The following ABCA8 variants were observed in gnomAD, a reference collection of about 807,000 sequenced individuals.
ABCA8 encodes ABC-type organic anion transporter ABCA8.
ABCA8 carries 177 observed loss-of-function variants against 192.3 expected under a neutral mutation model. That is an observed-to-expected ratio of 0.92 (90% confidence interval 0.81 to 1.04). The LOEUF (loss-of-function observed/expected upper bound fraction) is 1.04, where lower values mean the gene tolerates loss of function less well. Ranked by LOEUF, ABCA8 falls within the 50% of genes least tolerant of loss-of-function variation. The pLI, the probability that ABCA8 is intolerant of heterozygous loss-of-function variation, is 0.00. For synonymous variants in ABCA8, 642 were observed against 690.2 expected (o/e 0.93, Z 1.09); for missense variants, 1,915 against 1,904.8 (o/e 1.01, Z -0.10).
chr17:68,881,910 C>G lies in ABCA8; in HGVS notation c.3899G>C (p.Arg1300Thr). 1 of 1,614,126 alleles carries G rather than the reference C, an allele frequency of 6.2e-7. No homozygotes were observed. Among genetic ancestry groups the G allele is most frequent in the Non-Finnish European group, 8.5e-7 (1 of 1,179,982 alleles). ...ATTTCTCGTGGCTATCTTATTCTTC[C>G]TCTTGGAAAAACAGCCTTTCCTCTT... is the stretch of plus-strand genomic sequence containing the variant. ...AGKRKGCFSK[R>T]KNKIATRNVS... The change falls in exon 31 of 40, where the codon AGG (arginine) becomes ACG (threonine). Residue 1300 changes from arginine (R) to threonine (T), a missense_variant. Transcript: ENST00000586539.
Position 68,947,538 on chromosome 17 carries a change from C to T in ABCA8, c.-6+1774G>A, listed in dbSNP as rs1359045857. On this transcript the variant is annotated intron_variant, in intron 2 of 39. Transcript: ENST00000586539. Reference sequence around the variant, plus strand: ...ACATGGAAGATCTGATCTTAGAAGGCTAGTAAACTTGCTGATAAAACCTTA... The same window carrying T: ...ACATGGAAGATCTGATCTTAGAAGGTTAGTAAACTTGCTGATAAAACCTTA... Among the ~76,000 whole-genome samples, 10 of 152,192 alleles carry T rather than the reference C, an allele frequency of 6.6e-5. No homozygotes were observed. In the South Asian group the frequency reaches 2.1e-3, roughly 32 times the overall value.
chr17:68,918,589 C>T (rs2067448480), intron 14 of ABCA8, 43 bp from the exon 15 acceptor site: 1 of 1,440,180 alleles, frequency 6.9e-7, no homozygotes, highest in East Asian at 2.5e-5. Flanking sequence ...AAAATTTATT[C>T]CTTTTTTAAA....
Position 68,881,867 on chromosome 17 carries a change from T to C in ABCA8, c.3942A>G (p.Arg1314=), listed in dbSNP as rs1324398411. The C allele has an allele frequency of 5.6e-6, 9 of 1,613,436 alleles. No individual in the cohort carries two copies. In the South Asian group the frequency reaches 9.9e-5, roughly 18 times the overall value. The change falls in exon 31 of 40, where the codon AGA becomes AGG. Residue 1314 remains arginine (R), a synonymous_variant. Coordinates refer to ENST00000586539, the MANE Select transcript of ABCA8 (RefSeq NM_001288985.2). ...IATRNVSFCV[R]KGEVLGLLGH... ...TGGAAGATCCCTATGGCCAACCTTT[T>C]CTAACACAGAAGGAGACATTTCTCG...
intron 2 of ABCA8, among the ~76,000 whole-genome samples, chr17:68,947,999 G>A (rs1189437008): frequency 6.6e-6 from 1 of 152,088 alleles, no homozygotes; most frequent in African/African-American, 2.4e-5. Context: ...TGTGGTGTTT[G>A]GTTTTCTTTT....
chr17:68,870,393 T>G (rs2066018646), intron 37 of ABCA8, among the ~76,000 whole-genome samples: 1 of 152,182 alleles, frequency 6.6e-6, no homozygotes, highest in Non-Finnish European at 1.5e-5. Context: ...CCTGCCACTG[T>G]GTTTGGGGTG....
chr17:68,868,279 C>A, intron 39 of ABCA8, 22 bp downstream of exon 39: 1 of 1,611,708 alleles, frequency 6.2e-7, no homozygotes, highest in Non-Finnish European at 8.5e-7. Context: ...ATGGATGATA[C>A]GAATCCCTAA....
rs1029001615 is a variant in ABCA8 at position 68,869,702 on chromosome 17, T to A, written c.4709A>T (p.Lys1570Met). 20 of 1,605,830 alleles carry A rather than the reference T, an allele frequency of 1.2e-5. No homozygotes were observed. Among genetic ancestry groups the A allele is most frequent in the Non-Finnish European group, 1.7e-5 (20 of 1,172,772 alleles). Residue 1570 changes from lysine (K) to methionine (M), a missense_variant and splice_region_variant, in exon 38 of 40, where the codon AAG becomes ATG. Coordinates refer to ENST00000586539, the MANE Select transcript of ABCA8 (RefSeq NM_001288985.2). Reference protein sequence around the residue: ...PLAQAFFKLEKVKQSFDLEEY... With the variant: ...PLAQAFFKLEMVKQSFDLEEY... Reference sequence around the variant, plus strand: ...TACTTCAAAGTCATACTTCTTACCCTTCTCTAATTTGAAGAAAGCTTGGGC... The same window carrying A: ...TACTTCAAAGTCATACTTCTTACCCATCTCTAATTTGAAGAAAGCTTGGGC...
chr17:68,871,038 T>C (rs2066036991), intron 37 of ABCA8, among the ~76,000 whole-genome samples: 1 of 152,184 alleles, frequency 6.6e-6, no homozygotes, highest in Admixed American at 6.5e-5. Flanking sequence ...TCCATCTTAG[T>C]CCAGTTTTTT....
chr17:68,877,136 G>C (rs910129425), intron 33 of ABCA8: 1 of 169,804 alleles, frequency 5.9e-6, no homozygotes, highest in Admixed American at 6.0e-5. Flanking sequence ...CCAAGTAGCT[G>C]GGACCACAGG....
At chr17:68,913,607 T>C (rs564583335) in intron 17 of ABCA8, among the ~76,000 whole-genome samples, 1 of 152,246 alleles carries the variant, frequency 6.6e-6, no homozygotes, top group East Asian at 1.9e-4. Flanking sequence ...TATGAGCAAC[T>C]GTATGTCAAT....
rs2067427311 is a variant in ABCA8 at position 68,918,111 on chromosome 17, T to A, written c.1983A>T (p.Glu661Asp). ...AGAGGATCACGCGGTCTGTTTTGCG[T>A]TCTTTCAGAAGGTTCCATACTTGGT... ...SRHQVWNLLK[E>D]RKTDRVILFS... The change falls in exon 16 of 40, where the codon GAA becomes GAT. Residue 661 changes from glutamate to aspartate, a missense_variant. Coordinates refer to ENST00000586539, the MANE Select transcript of ABCA8 (RefSeq NM_001288985.2). 6.2e-7 allele frequency: 1 copy of A among 1,614,040 alleles called. No individual in the cohort carries two copies. The highest frequency in any genetic ancestry group is 1.3e-5 in the African/African-American group (1 of 74,912).
Position 68,919,368 on chromosome 17 carries a change from G to A in ABCA8, c.1721C>T (p.Thr574Ile), listed in dbSNP as rs937443334. The change falls in exon 14 of 40, where the codon ACT (threonine) becomes ATT (isoleucine). Residue 574 changes from threonine (T) to isoleucine (I), a missense_variant. Physicochemically the swap from Thr to Ile is moderately conservative, Grantham distance 89. Transcript: ENST00000586539. The part of the protein sequence containing the change: ...PQSNVQFDFL[T>I]VRENLRLFAK... ...AAAGAGTCTGAGGTTTTCTCTTACA[G>A]TGAGGAAGTCAAATTGCACATTGGA... 2 of 1,613,872 alleles carry A rather than the reference G, an allele frequency of 1.2e-6. No individual in the cohort carries two copies. Among genetic ancestry groups the A allele is most frequent in the African/African-American group, 1.3e-5 (1 of 74,896 alleles).
At chr17:68,953,525 C>G (rs1207550481) in intron 1 of ABCA8, among the ~76,000 whole-genome samples, 2 of 152,064 alleles carry the variant, frequency 1.3e-5, no homozygotes, top group African/African-American at 4.8e-5. Flanking sequence ...GAGAACACTG[C>G]TAGAAGAAGA....
chr17:68,938,806 G>C (rs376162073), intron 4 of ABCA8, among the ~76,000 whole-genome samples: 2 of 152,102 alleles, frequency 1.3e-5, no homozygotes, highest in Non-Finnish European at 2.9e-5. Context: ...GACTGTTCCT[G>C]TACTTCTACC....
At chr17:68,884,236 C>A in intron 28 of ABCA8, 95 bp downstream of exon 28, 1 of 1,149,850 alleles carries the variant, frequency 8.7e-7, no homozygotes, top group African/African-American at 1.6e-5. Flanking sequence ...ACCTGTATCT[C>A]TAACTTAATA....
chr17:68,881,261 AG>A, intron 31 of ABCA8, 50 bp from the exon 32 acceptor site: 6 of 1,287,550 alleles, frequency 4.7e-6, no homozygotes, highest in Non-Finnish European at 6.7e-6. Flanking sequence ...GGTAACATTA[AG>A]AGTAAAACAT....
chr17:68,881,915 G>A lies in ABCA8; in HGVS notation c.3894C>T (p.Ser1298=), dbSNP rs2066345353. 1 of 1,614,050 alleles carries A rather than the reference G, an allele frequency of 6.2e-7. No individual in the cohort carries two copies. The highest frequency in any genetic ancestry group is 8.5e-7 in the Non-Finnish European group (1 of 1,179,974). The change falls in exon 31 of 40, where the codon TCC becomes TCT. Residue 1298 remains serine (S), a synonymous_variant. Transcript: ENST00000586539. ...EYAGKRKGCF[S]KRKNKIATRN... Reference sequence around the variant, plus strand: ...TCGTGGCTATCTTATTCTTCCTCTTGGAAAAACAGCCTTTCCTCTTCCCTG... The same window carrying A: ...TCGTGGCTATCTTATTCTTCCTCTTAGAAAAACAGCCTTTCCTCTTCCCTG...
intron 1 of ABCA8, among the ~76,000 whole-genome samples, chr17:68,954,728 G>C (rs1467559524): frequency 6.6e-6 from 1 of 152,158 alleles, no homozygotes; most frequent in Non-Finnish European, 1.5e-5. Context: ...AATTCTTATA[G>C]ACTAAGAGTG....
Position 68,903,446 on chromosome 17 carries a change from G to A in ABCA8, c.2452C>T (p.Leu818Phe). ...QAEKADDTER[L>F]VEMEQVLSSL... Reference sequence around the variant, plus strand: ...GAGAGGACTTGTTCCATCTCAACAAGCCTTTCAGTGTCGTCAGCTTTTTCC... The same window carrying A: ...GAGAGGACTTGTTCCATCTCAACAAACCTTTCAGTGTCGTCAGCTTTTTCC... Residue 818 changes from leucine (L) to phenylalanine (F), a missense_variant, in exon 20 of 40, where the codon CTT becomes TTT. Coordinates refer to ENST00000586539, the MANE Select transcript of ABCA8 (RefSeq NM_001288985.2). The A allele has an allele frequency of 6.2e-7, 1 of 1,614,066 alleles. No individual in the cohort carries two copies.
Sources: gnomAD v4.1 joint callset for allele counts (sites outside exome capture counted in the v4.1 genomes callset) on GRCh38, gnomAD v4.1.1 for gene constraint, MANE v1.5 for transcripts, NCBI Gene and HGNC (gene_info 2026-07-23, HGNC 2026-07-21) for gene names.